PTPRJ: variants seen among roughly 807,000 people sequenced by gnomAD.
The protein encoded by PTPRJ is receptor-type tyrosine-protein phosphatase eta.
In PTPRJ, 129 loss-of-function variants were observed where a neutral mutation model predicts 141.3. The ratio of observed to expected loss-of-function variants is 0.91; its 90% CI spans 0.79 to 1.06. The LOEUF (loss-of-function observed/expected upper bound fraction) is 1.06. Ranked by LOEUF, PTPRJ falls within the 50% of genes least tolerant of loss-of-function variation. PTPRJ has a pLI of 0.00. For synonymous variants in PTPRJ, 610 were observed against 640.5 expected, an observed-to-expected ratio of 0.95 and a Z score of 0.72; for missense variants, 1,601 against 1,679.7, an observed-to-expected ratio of 0.95 and a Z score of 0.82.
intron 1 of PTPRJ, among the ~76,000 whole-genome samples, chr11:48,060,734 C>T (rs1482187959): frequency 6.6e-6 from 1 of 152,210 alleles, no homozygotes; most frequent in Admixed American, 6.5e-5. Context: ...AGCTTCTAGC[C>T]TGCTTTTCTT....
intron 1 of PTPRJ, among the ~76,000 whole-genome samples, chr11:47,985,990 C>T (rs898196579): frequency 3.9e-5 from 6 of 152,260 alleles, no homozygotes; most frequent in East Asian, 1.9e-4. Context: ...CCTGAGCCAC[C>T]GCACCTGGCC....
At chr11:48,099,514 G>T (rs1371412481) in intron 1 of PTPRJ, among the ~76,000 whole-genome samples, 3 of 152,116 alleles carry the variant, frequency 2.0e-5, no homozygotes, top group Non-Finnish European at 4.4e-5. Context: ...TACAGAAGAC[G>T]TTTGCTGACC....
chr11:47,996,652 C>T (rs990799815), intron 1 of PTPRJ, among the ~76,000 whole-genome samples: 8 of 152,242 alleles, frequency 5.3e-5, no homozygotes, highest in African/African-American at 7.2e-5. Context: ...CTTGTTAACA[C>T]GACATCTCCT....
At chr11:48,128,073 TTCCTGCTG>T in intron 7 of PTPRJ, 30 bp downstream of exon 7, 1 of 1,599,528 alleles carries the variant, frequency 6.3e-7, no homozygotes, top group Non-Finnish European at 8.6e-7. Context: ...TCACCACCCT[TTCCTGCTG>T]TCCTGCTCCG....
intron 3 of PTPRJ, among the ~76,000 whole-genome samples, chr11:48,118,935 G>T: frequency 7.0e-6 from 1 of 143,344 alleles, no homozygotes; most frequent in East Asian, 2.1e-4. Flanking sequence ...CAGGAGAATC[G>T]CCTGAACCCG....
intron 1 of PTPRJ, among the ~76,000 whole-genome samples, chr11:48,035,538 C>CTTTTTTTTTTTTTTTTTTT (rs66504227): frequency 3.1e-4 from 19 of 61,740 alleles, no homozygotes; most frequent in Non-Finnish European, 5.0e-4. Flanking sequence ...CTTTCTTCTT[C>CTTTTTTTTTTTTTTTTTTT]TTTTTTTTTT....
chr11:48,079,374 G>A (rs1445095402), intron 1 of PTPRJ, among the ~76,000 whole-genome samples: 2 of 152,024 alleles, frequency 1.3e-5, no homozygotes, highest in Admixed American at 6.6e-5. Flanking sequence ...AGGCAGGGGA[G>A]TGTGCGTGGA....
chr11:47,997,863 T>C (rs1590391740), intron 1 of PTPRJ, among the ~76,000 whole-genome samples: 4 of 115,082 alleles, frequency 3.5e-5, no homozygotes, highest in African/African-American at 3.2e-4. Context: ...CCTCAGGGTG[T>C]AAAGCGAGAG....
At chr11:48,117,422 T>A (rs1856594613) in intron 3 of PTPRJ, among the ~76,000 whole-genome samples, 1 of 151,080 alleles carries the variant, frequency 6.6e-6, no homozygotes, top group Non-Finnish European at 1.5e-5. Flanking sequence ...ACACCTGTAA[T>A]CCCAGCTACT....
At chr11:48,120,896 C>T (rs920101538) in intron 3 of PTPRJ, 107 bp from the exon 4 acceptor site, 1 of 1,057,806 alleles carries the variant, frequency 9.5e-7, no homozygotes. Context: ...AGAGATAAAA[C>T]TCTGTGATTG....
intron 8 of PTPRJ, 73 bp from the exon 9 acceptor site, chr11:48,135,966 G>A (rs1256632689): frequency 1.5e-5 from 23 of 1,534,932 alleles, no homozygotes; most frequent in East Asian, 6.8e-5. Context: ...AGGTCCTCTC[G>A]ACAGCACTTG....
chr11:48,131,684 G>A (rs1243977894), intron 8 of PTPRJ: 2 of 540,790 alleles, frequency 3.7e-6, no homozygotes, highest in African/African-American at 1.9e-5. Flanking sequence ...CTAGAATTGA[G>A]TAGTGGCAGC....
intron 1 of PTPRJ, among the ~76,000 whole-genome samples, chr11:48,024,571 A>G (rs1288805929): frequency 6.6e-6 from 1 of 152,170 alleles, no homozygotes; most frequent in Admixed American, 6.5e-5. Flanking sequence ...CTACGATCAA[A>G]GTAGTGGAGT....
intron 1 of PTPRJ, chr11:48,014,371 A>G (rs1854897599): frequency 6.6e-6 from 1 of 151,710 alleles, no homozygotes; most frequent in African/African-American, 2.4e-5. Context: ...GGGATATAAA[A>G]CCCTTGTTTT....
intron 15 of PTPRJ, among the ~76,000 whole-genome samples, chr11:48,147,432 T>C (rs1857379079): frequency 6.6e-6 from 1 of 152,224 alleles, no homozygotes; most frequent in African/African-American, 2.4e-5. Flanking sequence ...CCTTGTATGC[T>C]ATTACTATTA....
intron 1 of PTPRJ, among the ~76,000 whole-genome samples, chr11:48,073,163 C>T (rs930483334): frequency 9.2e-5 from 14 of 152,334 alleles, no homozygotes; most frequent in African/African-American, 2.9e-4. Context: ...CAGGGAGCTA[C>T]GTATGTCTCT....
At chr11:48,091,438 A>AC (rs1855864183) in intron 1 of PTPRJ, among the ~76,000 whole-genome samples, 3 of 152,184 alleles carry the variant, frequency 2.0e-5, no homozygotes, top group African/African-American at 7.2e-5. Context: ...GTGTGTGTAT[A>AC]TTTAAAAGGT....
At chr11:48,163,683 CA>C in intron 23 of PTPRJ, 65 bp downstream of exon 23, 2 of 1,507,098 alleles carry the variant, frequency 1.3e-6, no homozygotes, top group Non-Finnish European at 9.1e-7. Flanking sequence ...GAGCACTTTA[CA>C]AAAGCAAAGC....
intron 1 of PTPRJ, among the ~76,000 whole-genome samples, chr11:48,106,837 C>T (rs576241833): frequency 1.4e-5 from 2 of 140,830 alleles, no homozygotes; most frequent in South Asian, 2.3e-4. Flanking sequence ...GGCGCGATCT[C>T]AGCTCACTGC....
Sources: allele counts gnomAD v4.1 joint callset (sites outside exome capture counted in the v4.1 genomes callset), GRCh38; gene constraint gnomAD v4.1.1; transcripts MANE v1.5; gene names NCBI Gene and HGNC (gene_info 2026-07-23, HGNC 2026-07-21).